CRYBG1: variants seen among roughly 807,000 people sequenced by gnomAD.
The protein encoded by CRYBG1 is crystallin beta-gamma domain containing 1.
CRYBG1 carries 139 observed loss-of-function variants against 189.2 expected under a neutral mutation model. The ratio of observed to expected loss-of-function variants is 0.73; its 90% CI spans 0.64 to 0.85. The LOEUF is 0.85. Ranked by LOEUF, CRYBG1 falls within the 40% of genes least tolerant of loss-of-function variation. CRYBG1 has a pLI of 0.00. For missense variants in CRYBG1, 2,611 were observed against 2,675.8 expected, an observed-to-expected ratio of 0.98 and a Z score of 0.53; for synonymous variants, 1,023 against 1,017.1, an observed-to-expected ratio of 1.01 and a Z score of -0.11.
chr6:106,469,047 C>A (rs549933708), intron 2 of CRYBG1, among the ~76,000 whole-genome samples: 1 of 152,204 alleles, frequency 6.6e-6, no homozygotes, highest in African/African-American at 2.4e-5. Flanking sequence ...ACAGGCCCTG[C>A]GTGGCCTGGC....
chr6:106,401,733 A>G (rs1041501616), intron 1 of CRYBG1, among the ~76,000 whole-genome samples: 4 of 120,614 alleles, frequency 3.3e-5, no homozygotes, highest in Admixed American at 1.8e-4. Context: ...AAAGGACATG[A>G]ACTCATCATT....
At chr6:106,495,819 TAAA>T (rs3040745) in intron 2 of CRYBG1, among the ~76,000 whole-genome samples, 3 of 128,454 alleles carry the variant, frequency 2.3e-5, no homozygotes, top group Admixed American at 7.9e-5. Flanking sequence ...TTTCCTTGAG[TAAA>T]AAAAAAAAAA....
chr6:106,518,374 T>G (rs1225724620), intron 3 of CRYBG1, among the ~76,000 whole-genome samples: 1 of 152,232 alleles, frequency 6.6e-6, no homozygotes, highest in African/African-American at 2.4e-5. Context: ...AAATCTATCC[T>G]TTTGAGATAA....
intron 1 of CRYBG1, among the ~76,000 whole-genome samples, chr6:106,418,200 T>G (rs1378964481): frequency 6.6e-6 from 1 of 152,238 alleles, no homozygotes; most frequent in Non-Finnish European, 1.5e-5. Flanking sequence ...CCAATGTGGC[T>G]GAGTCTGGAG....
At chr6:106,439,669 ACT>A (rs1311937421) in intron 1 of CRYBG1, among the ~76,000 whole-genome samples, 1 of 151,858 alleles carries the variant, frequency 6.6e-6, no homozygotes, top group African/African-American at 2.4e-5. Context: ...TAGTGACTCA[ACT>A]CTCTCTGTAC....
At chr6:106,552,309 G>C in intron 15 of CRYBG1, 93 bp downstream of exon 15, 3 of 946,130 alleles carry the variant, frequency 3.2e-6, no homozygotes, top group Non-Finnish European at 4.6e-6. Flanking sequence ...TTTGGGGCCG[G>C]GTGTGGTGGC....
In CRYBG1 at chr6:106,569,403, T is replaced by C. The variant is rs1481691284; in HGVS notation, c.*837T>C. 3 of 151,888 alleles carry C rather than the reference T, an allele frequency of 2.0e-5. No homozygotes were observed. Among genetic ancestry groups the C allele is most frequent in the African/African-American group, 7.3e-5 (3 of 41,318 alleles). The allele number at this position is 151,888 out of a possible 1,614,324, so 9.4% of individuals were successfully genotyped here. ...GCCCAGCCAAATTTTGTTTTTTTTT[T>C]GTAGAGATGGGGTTTCATCACGTTG... On this transcript the variant is annotated 3_prime_UTR_variant, in exon 22 of 22. Transcript: ENST00000633556.
intron 7 of CRYBG1, 26 bp downstream of exon 7, chr6:106,527,496 A>G: frequency 1.3e-6 from 2 of 1,591,296 alleles, no homozygotes; most frequent in Non-Finnish European, 1.7e-6. Flanking sequence ...TATGGATTTT[A>G]TTTATTCAGC....
At chr6:106,462,261 C>T (rs540987434) in intron 2 of CRYBG1, among the ~76,000 whole-genome samples, 252 of 152,316 alleles carry the variant, frequency 1.7e-3, no homozygotes, top group African/African-American at 5.5e-3. Context: ...AGCTCCGCCT[C>T]CCGGGTTCAC....
intron 1 of CRYBG1, among the ~76,000 whole-genome samples, chr6:106,416,950 A>G (rs1386739987): frequency 7.1e-6 from 1 of 141,820 alleles, no homozygotes; most frequent in Non-Finnish European, 1.5e-5. Flanking sequence ...ATTGTTTTAC[A>G]TTGAGTTTTT....
intron 2 of CRYBG1, among the ~76,000 whole-genome samples, chr6:106,489,282 C>T (rs927154284): frequency 4.0e-5 from 6 of 151,852 alleles, no homozygotes; most frequent in South Asian, 4.2e-4. Context: ...AGAATATAGC[C>T]GTTTATTCAT....
intron 4 of CRYBG1, 97 bp from the exon 5 acceptor site, chr6:106,525,036 G>T: frequency 8.1e-7 from 1 of 1,236,338 alleles, no homozygotes; most frequent in East Asian, 2.4e-5. Context: ...ATACAATGTG[G>T]GAAAAGTGTG....
At chr6:106,387,580 C>T (rs1287768143) in intron 1 of CRYBG1, among the ~76,000 whole-genome samples, 2 of 152,132 alleles carry the variant, frequency 1.3e-5, no homozygotes, top group African/African-American at 2.4e-5. Flanking sequence ...TTTAGATACT[C>T]GACAGGACAT....
Position 106,571,741 on chromosome 6 carries a change from C to A in CRYBG1, c.*3175C>A. On this transcript the variant is annotated 3_prime_UTR_variant, in exon 22 of 22. Coordinates refer to ENST00000633556, the MANE Select transcript of CRYBG1 (RefSeq NM_001371242.2). Reference sequence around the variant, plus strand: ...TTTAAGCTAGTAAAACAGAAGGTGCCACAACAACCTGCAAAGCCAGTGTGA... The same window carrying A: ...TTTAAGCTAGTAAAACAGAAGGTGCAACAACAACCTGCAAAGCCAGTGTGA... 2 of 404,760 alleles carry A rather than the reference C, an allele frequency of 4.9e-6. No homozygotes were observed. Among genetic ancestry groups the A allele is most frequent in the Non-Finnish European group, 9.0e-6 (2 of 223,130 alleles). The allele number at this position is 404,760 out of a possible 1,614,324, so 25.1% of individuals were successfully genotyped here. A position where few individuals can be genotyped will look rare whatever the true frequency, so the allele number is the denominator to read the frequency against.
At chr6:106,544,037 A>G (rs1774201713) in intron 11 of CRYBG1, among the ~76,000 whole-genome samples, 1 of 152,230 alleles carries the variant, frequency 6.6e-6, no homozygotes, top group Non-Finnish European at 1.5e-5. Context: ...GGGCAACAAG[A>G]GCGAAACTCT....
chr6:106,498,184 A>G (rs902400737), intron 2 of CRYBG1, among the ~76,000 whole-genome samples: 1 of 152,170 alleles, frequency 6.6e-6, no homozygotes, highest in South Asian at 2.1e-4. Flanking sequence ...AACATAGTCA[A>G]TGCCATTAGA....
chr6:106,385,331 G>A (rs997922143), intron 1 of CRYBG1, among the ~76,000 whole-genome samples: 1 of 152,170 alleles, frequency 6.6e-6, no homozygotes, highest in African/African-American at 2.4e-5. Flanking sequence ...CATCCTGCAA[G>A]ACATTGTTAA....
At chr6:106,548,564 G>C (rs935223646) in intron 13 of CRYBG1, among the ~76,000 whole-genome samples, 1 of 152,028 alleles carries the variant, frequency 6.6e-6, no homozygotes, top group Non-Finnish European at 1.5e-5. Context: ...CCACCTCACT[G>C]TCTTTTTTCC....
chr6:106,491,933 C>T (rs1012907946), intron 2 of CRYBG1, among the ~76,000 whole-genome samples: 10 of 152,184 alleles, frequency 6.6e-5, no homozygotes, highest in South Asian at 6.2e-4. Flanking sequence ...CAATCTTCTT[C>T]GTGCCTTATA....
Sources: gnomAD v4.1 joint callset for allele counts (sites outside exome capture counted in the v4.1 genomes callset) on GRCh38, gnomAD v4.1.1 for gene constraint, MANE v1.5 for transcripts, NCBI Gene and HGNC (gene_info 2026-07-23, HGNC 2026-07-21) for gene names.